WWC2: variants seen among roughly 807,000 people sequenced by gnomAD.
The protein encoded by WWC2 is protein WWC2.
In WWC2, 101 loss-of-function variants were observed where a neutral mutation model predicts 138.5. The ratio of observed to expected loss-of-function variants is 0.73; its 90% CI spans 0.62 to 0.86. WWC2 has a LOEUF of 0.86. Among genes scored for constraint, WWC2 ranks in the 40% least tolerant of loss-of-function variants. The pLI is 0.00. For missense variants in WWC2, 1,420 were observed against 1,419.4 expected, an observed-to-expected ratio of 1.00 and a Z score of -0.01; for synonymous variants, 558 against 538.4, an observed-to-expected ratio of 1.04 and a Z score of -0.50.
chr4:183,139,584 C>G, intron 1 of WWC2, among the ~76,000 whole-genome samples: 1 of 152,148 alleles, frequency 6.6e-6, no homozygotes, highest in East Asian at 1.9e-4. Context: ...CCACAAAGAA[C>G]AGAGCCCACT....
chr4:183,111,557 G>A (rs1006842256), intron 1 of WWC2, among the ~76,000 whole-genome samples: 1 of 152,174 alleles, frequency 6.6e-6, no homozygotes, highest in Admixed American at 6.5e-5. Context: ...TAGTATCACT[G>A]GGTTATCAGC....
chr4:183,298,961 C>A (rs1738729571), intron 21 of WWC2, among the ~76,000 whole-genome samples: 1 of 152,234 alleles, frequency 6.6e-6, no homozygotes, highest in South Asian at 2.1e-4. Flanking sequence ...ACAGGTTATG[C>A]AGAGCAGATT....
At chr4:183,227,735 T>G (rs571699988) in intron 4 of WWC2, among the ~76,000 whole-genome samples, 2 of 152,140 alleles carry the variant, frequency 1.3e-5, no homozygotes, top group Non-Finnish European at 2.9e-5. Flanking sequence ...CAATCGTGTT[T>G]TCTTATACCT....
chr4:183,140,231 C>T (rs1733260429), intron 1 of WWC2, among the ~76,000 whole-genome samples: 1 of 152,140 alleles, frequency 6.6e-6, no homozygotes, highest in Non-Finnish European at 1.5e-5. Flanking sequence ...CAGGAATGTA[C>T]AGTGGGGAGG....
intron 21 of WWC2, among the ~76,000 whole-genome samples, chr4:183,311,471 CG>C (rs1326185018): frequency 2.0e-5 from 3 of 151,986 alleles, no homozygotes; most frequent in African/African-American, 7.3e-5. Flanking sequence ...TGGGAACCCT[CG>C]GGGCAGAGCG....
At chr4:183,300,585 T>C (rs1027252897) in intron 21 of WWC2, among the ~76,000 whole-genome samples, 8 of 152,184 alleles carry the variant, frequency 5.3e-5, no homozygotes, top group African/African-American at 1.9e-4. Context: ...GTATTGATTA[T>C]TAGCAGCTGA....
chr4:183,177,478 CAAAG>C (rs1734499614), intron 1 of WWC2, among the ~76,000 whole-genome samples: 1 of 151,990 alleles, frequency 6.6e-6, no homozygotes, highest in Non-Finnish European at 1.5e-5. Context: ...ACAAAGAAAT[CAAAG>C]AAGGAAATTG....
At chr4:183,170,646 C>T (rs1043731274) in intron 1 of WWC2, among the ~76,000 whole-genome samples, 3 of 151,906 alleles carry the variant, frequency 2.0e-5, no homozygotes, top group South Asian at 2.1e-4. Flanking sequence ...ATTGAGAGCA[C>T]GGTAGAAATA....
At chr4:183,308,964 AAAAT>A (rs1416627547) in intron 21 of WWC2, among the ~76,000 whole-genome samples, 1 of 152,206 alleles carries the variant, frequency 6.6e-6, no homozygotes. Flanking sequence ...AGGAGCAAAG[AAAAT>A]AAATCAAAAA....
At chr4:183,177,089 G>A (rs984720306) in intron 1 of WWC2, among the ~76,000 whole-genome samples, 1 of 152,118 alleles carries the variant, frequency 6.6e-6, no homozygotes, top group African/African-American at 2.4e-5. Context: ...GTAGGAAGGA[G>A]GACTAGAGCA....
At chr4:183,272,813 A>T (rs114052417) in intron 16 of WWC2, among the ~76,000 whole-genome samples, 170 of 152,334 alleles carry the variant, frequency 1.1e-3, no homozygotes, top group Non-Finnish European at 1.9e-3. Flanking sequence ...CACACATAAT[A>T]TTCTATTGTG....
intron 2 of WWC2, chr4:183,203,743 C>G (rs1053177178): frequency 6.6e-6 from 1 of 152,164 alleles, no homozygotes. Flanking sequence ...TTATTCAGTT[C>G]TCTAGTAGAA....
At chr4:183,168,176 T>TTCTC (rs1302797981) in intron 1 of WWC2, among the ~76,000 whole-genome samples, 1 of 148,430 alleles carries the variant, frequency 6.7e-6, no homozygotes, top group Non-Finnish European at 1.5e-5. Context: ...TTTCTTTTCT[T>TTCTC]TCTTTTTTTT....
intron 20 of WWC2, among the ~76,000 whole-genome samples, chr4:183,288,476 C>T (rs1040111841): frequency 1.3e-5 from 2 of 152,186 alleles, no homozygotes; most frequent in South Asian, 4.1e-4. Flanking sequence ...CTCACCCAGC[C>T]TTGTTTAAAA....
At position 183,312,411 on chromosome 4, in the gene WWC2, A is replaced by T; in HGVS notation, c.3455A>T (p.Asp1152Val). Residue 1152 changes from aspartate (D) to valine (V), a missense_variant, in exon 22 of 23, where the codon GAC becomes GTC. Transcript: ENST00000403733. ...AEKLMRQVSK[D>V]VCRLREQSQK... The stretch of plus-strand genomic sequence containing the variant: ...AAGTTGATGAGGCAAGTCTCCAAGG[A>T]CGTGTGTCGGCTCCGGGAGCAGAGC... 6.2e-7 allele frequency: 1 copy of T among 1,613,902 alleles called. No homozygotes were observed. Among genetic ancestry groups the T allele is most frequent in the South Asian group, 1.1e-5 (1 of 91,070 alleles).
At chr4:183,165,780 A>C (rs1734113822) in intron 1 of WWC2, among the ~76,000 whole-genome samples, 1 of 152,306 alleles carries the variant, frequency 6.6e-6, no homozygotes, top group Non-Finnish European at 1.5e-5. Flanking sequence ...CAAATCTTAC[A>C]TTGTGGAATT....
At chr4:183,129,653 AG>A (rs1253220961) in intron 1 of WWC2, among the ~76,000 whole-genome samples, 1 of 152,166 alleles carries the variant, frequency 6.6e-6, no homozygotes, top group Non-Finnish European at 1.5e-5. Flanking sequence ...GTTCTTTCTA[AG>A]TCTTGATAAT....
chr4:183,306,938 A>G (rs2111111895), intron 21 of WWC2, among the ~76,000 whole-genome samples: 1 of 150,402 alleles, frequency 6.6e-6, no homozygotes, highest in East Asian at 2.0e-4. Flanking sequence ...ATCCTCTGAC[A>G]GAAATAAACA....
intron 1 of WWC2, among the ~76,000 whole-genome samples, chr4:183,117,441 G>A (rs1732449947): frequency 6.6e-6 from 1 of 151,692 alleles, no homozygotes; most frequent in East Asian, 1.9e-4. Flanking sequence ...GGCTGGTCTC[G>A]AACTCCTGAC....
Sources: gnomAD v4.1 joint callset for allele counts (sites outside exome capture counted in the v4.1 genomes callset) on GRCh38, gnomAD v4.1.1 for gene constraint, MANE v1.5 for transcripts, NCBI Gene and HGNC (gene_info 2026-07-23, HGNC 2026-07-21) for gene names.